PARD3: variants seen among roughly 807,000 people sequenced by gnomAD.
The protein encoded by PARD3 is par-3 family cell polarity regulator.
Under a neutral mutation model 155.4 loss-of-function variants are expected in PARD3, and 75 were observed. That is an observed-to-expected ratio of 0.48 (90% CI 0.40 to 0.58). PARD3 has a LOEUF of 0.58. Ranked by LOEUF, PARD3 falls within the 20% of genes least tolerant of loss-of-function variation. The pLI, the probability that PARD3 is intolerant of heterozygous loss-of-function variation, is 0.00. For missense variants in PARD3, 1,642 were observed against 1,721.7 expected (o/e 0.95, Z 0.82); for synonymous variants, 576 against 610.5 (o/e 0.94, Z 0.83).
intron 7 of PARD3, among the ~76,000 whole-genome samples, chr10:34,393,382 C>T (rs1021072852): frequency 2.0e-5 from 3 of 151,810 alleles, no homozygotes; most frequent in African/African-American, 7.3e-5. Context: ...GAGTTTGAGA[C>T]GAGACTGGGC....
intron 22 of PARD3, among the ~76,000 whole-genome samples, chr10:34,254,158 G>C (rs1254542535): frequency 6.6e-6 from 1 of 152,162 alleles, no homozygotes; most frequent in Non-Finnish European, 1.5e-5. Context: ...AAGGCGGGTG[G>C]ATCACAAGAT....
At chr10:34,240,243 C>T (rs530960965) in intron 22 of PARD3, among the ~76,000 whole-genome samples, 8 of 152,258 alleles carry the variant, frequency 5.3e-5, no homozygotes, top group South Asian at 2.1e-4. Context: ...GAAAGATGTT[C>T]GTGACTTATT....
chr10:34,507,331 G>C (rs1013537744), intron 3 of PARD3, among the ~76,000 whole-genome samples: 3 of 151,924 alleles, frequency 2.0e-5, no homozygotes, highest in Admixed American at 6.6e-5. Flanking sequence ...GGGTGCAGGG[G>C]ACAAGAGGGC....
At chr10:34,114,204 G>A (rs1946545471) in intron 24 of PARD3, among the ~76,000 whole-genome samples, 1 of 152,192 alleles carries the variant, frequency 6.6e-6, no homozygotes, top group South Asian at 2.1e-4. Flanking sequence ...CGAGGCTGCA[G>A]TGAGCCGTGA....
intron 3 of PARD3, among the ~76,000 whole-genome samples, chr10:34,480,601 ATTT>A (rs1405988958): frequency 6.6e-6 from 1 of 152,058 alleles, no homozygotes; most frequent in Admixed American, 6.6e-5. Flanking sequence ...GACTCTATTC[ATTT>A]TTACAACTCA....
At chr10:34,174,405 C>T (rs1949943716) in intron 22 of PARD3, among the ~76,000 whole-genome samples, 1 of 152,044 alleles carries the variant, frequency 6.6e-6, no homozygotes, top group Non-Finnish European at 1.5e-5. Flanking sequence ...GCCAAGGATC[C>T]CAATGCAAGA....
intron 20 of PARD3, among the ~76,000 whole-genome samples, chr10:34,298,632 C>T (rs193288797): frequency 4.7e-4 from 71 of 152,228 alleles, no homozygotes; most frequent in Middle Eastern, 6.8e-3. Flanking sequence ...TACAGAGTTT[C>T]GCAAGACGAA....
intron 2 of PARD3, among the ~76,000 whole-genome samples, chr10:34,599,563 A>C (rs2089591973): frequency 6.6e-6 from 1 of 152,216 alleles, no homozygotes; most frequent in East Asian, 1.9e-4. Flanking sequence ...ATTTGAATGA[A>C]CCAAGTCTAC....
At chr10:34,238,822 G>A (rs192716932) in intron 22 of PARD3, among the ~76,000 whole-genome samples, 3 of 152,254 alleles carry the variant, frequency 2.0e-5, no homozygotes, top group Admixed American at 1.3e-4. Flanking sequence ...TAAATCCACT[G>A]TGTCAACCTG....
intron 5 of PARD3, among the ~76,000 whole-genome samples, chr10:34,408,900 T>C (rs1275829603): frequency 6.6e-6 from 1 of 151,974 alleles, no homozygotes; most frequent in Non-Finnish European, 1.5e-5. Flanking sequence ...TATTCCCTTG[T>C]AGAGGGAAAT....
Position 34,610,682 on chromosome 10 carries a change from G to C in PARD3, c.222+85636C>G, listed in dbSNP as rs374909349. Among the ~76,000 whole-genome samples the C allele has an allele frequency of 3.3e-5, 5 of 152,150 alleles. No homozygotes were observed. In the East Asian group the frequency reaches 7.7e-4, roughly 23 times the overall value. ...TTTGAAATATATATATAATGTGGTT[G>C]CTGACAGCATTTTGTTTTATTTCAG... On this transcript the variant is annotated intron_variant, in intron 2 of 24. Coordinates refer to ENST00000374788, the MANE Select transcript of PARD3 (RefSeq NM_001184785.2).
rs747649647 is a variant in PARD3 at position 34,814,995 on chromosome 10, TGCC to T, written c.-3_-1del. On this transcript the variant is annotated 5_prime_UTR_variant, in exon 1 of 25. Coordinates refer to ENST00000374788, the MANE Select transcript of PARD3 (RefSeq NM_001184785.2). ...CGTCCGAAGCACACGGTCACTTTCA[TGCC>T]GCCGCCGCCGCGGGCGGGCCCGCGC... 107 of 1,484,508 alleles carry T rather than the reference TGCC, an allele frequency of 7.2e-5. No individual in the cohort carries two copies. Among genetic ancestry groups the T allele is most frequent in the South Asian group, 2.2e-4 (17 of 77,612 alleles). 92.0% of individuals were successfully genotyped at this position (1,484,508 alleles called of 1,614,324 possible). A position where few individuals can be genotyped will look rare whatever the true frequency, so the allele number is the denominator to read the frequency against.
At position 34,111,185 on chromosome 10, in the gene PARD3, C is replaced by A; in HGVS notation, c.4046G>T (p.Arg1349Met). The change falls in exon 25 of 25, where the codon AGG becomes ATG. Residue 1349 changes from arginine to methionine, a missense_variant. Physicochemically the swap from Arg to Met is moderately conservative, Grantham distance 91. Transcript: ENST00000374788. ...TTTGCGTGCTCAGGAATAGAAGGGCCTCCCTTTCTCAGGAGTCTGAAGTCT... is the reference window on the plus strand; with the variant it reads ...TTTGCGTGCTCAGGAATAGAAGGGCATCCCTTTCTCAGGAGTCTGAAGTCT... ...LNRLQTPEKG[R>M]PFYS The A allele has an allele frequency of 1.3e-6, 2 of 1,555,744 alleles. No individual in the cohort carries two copies. The highest frequency in any genetic ancestry group is 1.7e-6 in the Non-Finnish European group (2 of 1,148,402).
intron 19 of PARD3, among the ~76,000 whole-genome samples, chr10:34,321,546 A>C (rs1206308149): frequency 6.6e-6 from 1 of 152,188 alleles, no homozygotes; most frequent in African/African-American, 2.4e-5. Context: ...CTGAACTATC[A>C]GCTATGTTTC....
intron 2 of PARD3, among the ~76,000 whole-genome samples, chr10:34,619,476 T>C (rs1437724595): frequency 6.6e-6 from 1 of 152,236 alleles, no homozygotes; most frequent in Admixed American, 6.5e-5. Context: ...AAATATTTAT[T>C]GAATGAATAA....
chr10:34,344,235 CT>C, intron 15 of PARD3: 1 of 983,326 alleles, frequency 1.0e-6, no homozygotes, highest in South Asian at 4.7e-5. Flanking sequence ...ATTAGTTATG[CT>C]GACTATCCCT....
At chr10:34,353,054 AG>A (rs2134423429) in intron 14 of PARD3, among the ~76,000 whole-genome samples, 1 of 150,190 alleles carries the variant, frequency 6.7e-6, no homozygotes, top group Admixed American at 6.6e-5. Flanking sequence ...AGAAGTGAGG[AG>A]CCCCTCCGCC....
chr10:34,510,694 T>C (rs995854516), intron 3 of PARD3, among the ~76,000 whole-genome samples: 2 of 143,948 alleles, frequency 1.4e-5, no homozygotes, highest in African/African-American at 2.9e-5. Flanking sequence ...TTTCCTTTAT[T>C]TTTTTTTAAA....
intron 22 of PARD3, among the ~76,000 whole-genome samples, chr10:34,248,619 A>G (rs986861678): frequency 6.6e-6 from 1 of 152,194 alleles, no homozygotes; most frequent in Non-Finnish European, 1.5e-5. Context: ...TCTGAATCCA[A>G]TGCCTCATGC....
Sources: gnomAD v4.1 joint callset for allele counts (sites outside exome capture counted in the v4.1 genomes callset) on GRCh38, gnomAD v4.1.1 for gene constraint, MANE v1.5 for transcripts, NCBI Gene and HGNC (gene_info 2026-07-23, HGNC 2026-07-21) for gene names.